Variants in ST8SIA1 observed in about 807,000 individuals in gnomAD.
The protein encoded by ST8SIA1 is alpha-N-acetylneuraminide alpha-2,8-sialyltransferase.
In ST8SIA1, 16 loss-of-function variants were observed where a neutral mutation model predicts 35.9. That is an observed-to-expected ratio of 0.45 (90% CI 0.30 to 0.68). ST8SIA1 has a LOEUF of 0.68. Among genes scored for constraint, ST8SIA1 ranks in the 30% least tolerant of loss-of-function variants. The pLI is 0.09. For missense variants in ST8SIA1, 383 were observed against 453.6 expected (o/e 0.84, Z 1.41); for synonymous variants, 170 against 169.6 (o/e 1.00, Z -0.02).
At chr12:22,223,795 C>A (rs889678312) in intron 4 of ST8SIA1, 1 of 1,250,750 alleles carries the variant, frequency 8.0e-7, no homozygotes, top group South Asian at 1.3e-5. Context: ...CCCATTTATG[C>A]TTAGGCTAGT....
intron 4 of ST8SIA1, among the ~76,000 whole-genome samples, chr12:22,216,257 T>C (rs1233060926): frequency 6.6e-6 from 1 of 152,142 alleles, no homozygotes; most frequent in Non-Finnish European, 1.5e-5. Context: ...TCACTTCCTG[T>C]CAAGGGGGCA....
intron 2 of ST8SIA1, among the ~76,000 whole-genome samples, chr12:22,265,288 T>C (rs542526899): frequency 1.2e-4 from 19 of 152,230 alleles, no homozygotes; most frequent in Non-Finnish European, 2.4e-4. Flanking sequence ...CCAATCATCT[T>C]AGCAGTGGAG....
intron 4 of ST8SIA1, among the ~76,000 whole-genome samples, chr12:22,216,821 T>G (rs1309781850): frequency 6.6e-6 from 1 of 152,188 alleles, no homozygotes; most frequent in African/African-American, 2.4e-5. Flanking sequence ...CAAAGTGCAT[T>G]TAATTCTTAC....
At chr12:22,327,721 T>C (rs898053425) in intron 1 of ST8SIA1, among the ~76,000 whole-genome samples, 2 of 152,102 alleles carry the variant, frequency 1.3e-5, no homozygotes, top group African/African-American at 2.4e-5. Context: ...ACAGAGACGG[T>C]TGCTTATATA....
chr12:22,270,572 T>C (rs1396110162), intron 2 of ST8SIA1, among the ~76,000 whole-genome samples: 2 of 152,220 alleles, frequency 1.3e-5, no homozygotes, highest in Non-Finnish European at 2.9e-5. Context: ...ATATGTTCAA[T>C]ATAATTTTTC....
chr12:22,268,898 G>A (rs973129942), intron 2 of ST8SIA1, among the ~76,000 whole-genome samples: 10 of 152,118 alleles, frequency 6.6e-5, no homozygotes, highest in Non-Finnish European at 1.5e-4. Flanking sequence ...AGGACTGCCA[G>A]ATATTCTGAT....
chr12:22,269,062 A>G (rs1298746030), intron 2 of ST8SIA1, among the ~76,000 whole-genome samples: 1 of 152,222 alleles, frequency 6.6e-6, no homozygotes, highest in Non-Finnish European at 1.5e-5. Flanking sequence ...ATATCCTACT[A>G]TAGACCCAGG....
chr12:22,298,241 C>G (rs1007766933), intron 1 of ST8SIA1, among the ~76,000 whole-genome samples: 2 of 152,126 alleles, frequency 1.3e-5, no homozygotes, highest in Admixed American at 6.6e-5. Context: ...ACTGCTCTAG[C>G]AAATTAATCG....
Position 22,201,574 on chromosome 12 carries a change from G to A in ST8SIA1, c.1049C>T (p.Thr350Ile), listed in dbSNP as rs1591822118. Residue 350 changes from threonine to isoleucine, a missense_variant, in exon 5 of 5, where the codon ACC (threonine) becomes ATC (isoleucine). By Grantham distance (89) the Thr-to-Ile change is moderately conservative (BLOSUM62 -1). Coordinates refer to ENST00000396037, the MANE Select transcript of ST8SIA1 (RefSeq NM_003034.4). Reference sequence around the variant, plus strand: ...TTCCTAGGAAGTGGGCTGGAGTGAGGTATCTTCACATGGGTCCAGCTGCAT... The same window carrying A: ...TTCCTAGGAAGTGGGCTGGAGTGAGATATCTTCACATGGGTCCAGCTGCAT... ...LRMQLDPCED[T>I]SLQPTS The A allele has an allele frequency of 1.9e-6, 3 of 1,611,228 alleles. No homozygotes were observed. Among genetic ancestry groups the A allele is most frequent in the Non-Finnish European group, 2.5e-6 (3 of 1,178,678 alleles).
chr12:22,230,107 T>C (rs34181694), intron 4 of ST8SIA1, among the ~76,000 whole-genome samples: 18,942 of 152,236 alleles, frequency 0.12, 1,529 homozygotes, highest in Middle Eastern at 0.29. Context: ...TTCAAACAAA[T>C]AGTGTCAAGC....
At chr12:22,253,780 C>T (rs932501165) in intron 3 of ST8SIA1, among the ~76,000 whole-genome samples, 5 of 152,048 alleles carry the variant, frequency 3.3e-5, no homozygotes, top group African/African-American at 1.2e-4. Context: ...GCTGAGGGTA[C>T]CTGCATGAAG....
intron 2 of ST8SIA1, among the ~76,000 whole-genome samples, chr12:22,256,188 CT>C (rs1364293749): frequency 6.6e-6 from 1 of 152,190 alleles, no homozygotes; most frequent in Non-Finnish European, 1.5e-5. Context: ...CTGGGTGGGT[CT>C]GTCTAGAGCT....
At chr12:22,331,025 C>G (rs1332840628) in intron 1 of ST8SIA1, among the ~76,000 whole-genome samples, 6 of 152,230 alleles carry the variant, frequency 3.9e-5, no homozygotes, top group Admixed American at 1.3e-4. Context: ...AAAACTCTTA[C>G]AGCTTTCTTA....
chr12:22,324,965 G>C (rs1421833875), intron 1 of ST8SIA1: 1 of 152,058 alleles, frequency 6.6e-6, no homozygotes, highest in Non-Finnish European at 1.5e-5. Context: ...ATAATTTTGA[G>C]TGAATAAAAG....
At chr12:22,265,882 T>C (rs1288173748) in intron 2 of ST8SIA1, among the ~76,000 whole-genome samples, 3 of 151,902 alleles carry the variant, frequency 2.0e-5, no homozygotes, top group African/African-American at 7.3e-5. Flanking sequence ...TGCAAATCAC[T>C]TTTCTAATAA....
chr12:22,205,477 A>G (rs1865096837), intron 4 of ST8SIA1, among the ~76,000 whole-genome samples: 1 of 152,218 alleles, frequency 6.6e-6, no homozygotes, highest in South Asian at 2.1e-4. Flanking sequence ...AATTGAATAC[A>G]TGATAATGGG....
intron 2 of ST8SIA1, among the ~76,000 whole-genome samples, chr12:22,272,954 A>T (rs982051622): frequency 6.6e-6 from 1 of 152,216 alleles, no homozygotes; most frequent in Admixed American, 6.5e-5. Flanking sequence ...ATTTCATTGC[A>T]ACATCTGAGA....
At chr12:22,205,009 T>G (rs1041730452) in intron 4 of ST8SIA1, among the ~76,000 whole-genome samples, 1 of 152,196 alleles carries the variant, frequency 6.6e-6, no homozygotes, top group African/African-American at 2.4e-5. Flanking sequence ...TGTGTGTACC[T>G]GTCCACAATT....
At chr12:22,247,464 T>G (rs1465248856) in intron 4 of ST8SIA1, among the ~76,000 whole-genome samples, 1 of 150,536 alleles carries the variant, frequency 6.6e-6, no homozygotes, top group Non-Finnish European at 1.5e-5. Flanking sequence ...ATAAAAAAAT[T>G]TCTTGTAAGT....
Sources: gnomAD v4.1 joint callset for allele counts (sites outside exome capture counted in the v4.1 genomes callset) on GRCh38, gnomAD v4.1.1 for gene constraint, MANE v1.5 for transcripts, NCBI Gene and HGNC (gene_info 2026-07-23, HGNC 2026-07-21) for gene names.